OR10J1: variants seen among roughly 807,000 people sequenced by gnomAD.
OR10J1 encodes olfactory receptor 10J1.
For synonymous variants in OR10J1, 202 were observed against 143.8 expected, an observed-to-expected ratio of 1.40 and a Z score of -2.89; for missense variants, 474 against 376.6, an observed-to-expected ratio of 1.26 and a Z score of -2.14.
At chr1:159,429,982 T>C in the OR10J1 span, among the ~76,000 whole-genome samples, 1 of 152,144 alleles carries the variant, frequency 6.6e-6, no homozygotes, top group African/African-American at 2.4e-5. Flanking sequence ...GCCTCCATCC[T>C]GCCCAGTGAT....
rs1398140982 is a variant in OR10J1 at position 159,440,029 on chromosome 1, A to G, written c.238A>G (p.Arg80Gly). The change falls in exon 1 of 1, where the codon AGA becomes GGA. Residue 80 changes from arginine (R) to glycine (G), a missense_variant. Physicochemically the swap from Arg to Gly is moderately radical, Grantham distance 125. Transcript: ENST00000423932. Reference sequence around the variant, plus strand: ...TGTATATACATTGGTCATTCTCCCAAGAATGCTCTCCAGCCTCGTAGGTAT... The same window carrying G: ...TGTATATACATTGGTCATTCTCCCAGGAATGCTCTCCAGCCTCGTAGGTAT... ...ETVYTLVILP[R>G]MLSSLVGMSQ... The G allele has an allele frequency of 6.2e-6, 10 of 1,614,122 alleles. No individual in the cohort carries two copies. The highest frequency in any genetic ancestry group is 5.5e-5 in the South Asian group (5 of 91,078).
At chr1:159,402,684 C>A in the OR10J1 span, among the ~76,000 whole-genome samples, 1 of 151,914 alleles carries the variant, frequency 6.6e-6, no homozygotes, top group South Asian at 2.1e-4. Flanking sequence ...ATTTATAGTA[C>A]CCAAAGCTGT....
the OR10J1 span, among the ~76,000 whole-genome samples, chr1:159,411,247 T>G: frequency 9.5e-4 from 145 of 152,278 alleles, 2 homozygotes; most frequent in African/African-American, 2.2e-3. Flanking sequence ...AATTCCTGGG[T>G]ATCCTTGTTA....
the OR10J1 span, among the ~76,000 whole-genome samples, chr1:159,413,694 TAGGGGG>T: frequency 1.4e-5 from 1 of 72,214 alleles, no homozygotes; most frequent in Non-Finnish European, 2.6e-5. Context: ...TGTTGTGGGG[TAGGGGG>T]AGGGGGGAGG....
At chr1:159,430,677 G>GCACA in the OR10J1 span, among the ~76,000 whole-genome samples, 1 of 151,532 alleles carries the variant, frequency 6.6e-6, no homozygotes, top group Non-Finnish European at 1.5e-5. Context: ...GTGCGCGCGC[G>GCACA]CACATGTTTG....
At chr1:159,403,602 G>A in the OR10J1 span, among the ~76,000 whole-genome samples, 1 of 152,042 alleles carries the variant, frequency 6.6e-6, no homozygotes. Flanking sequence ...ATATCCAAAA[G>A]ACAAGACAAT....
the OR10J1 span, among the ~76,000 whole-genome samples, chr1:159,414,424 A>AAATGATGGGAT: frequency 6.6e-6 from 1 of 152,094 alleles, no homozygotes; most frequent in Non-Finnish European, 1.5e-5. Flanking sequence ...ATGGGATTTC[A>AAATGATGGGAT]TTCTTTTTAT....
At chr1:159,422,207 C>G in the OR10J1 span, among the ~76,000 whole-genome samples, 1 of 152,088 alleles carries the variant, frequency 6.6e-6, no homozygotes, top group African/African-American at 2.4e-5. Context: ...TGGATCTGGG[C>G]TGGGCAGTCT....
At chr1:159,411,357 A>G in the OR10J1 span, among the ~76,000 whole-genome samples, 1 of 152,130 alleles carries the variant, frequency 6.6e-6, no homozygotes, top group East Asian at 1.9e-4. Context: ...GTCTCCAAGG[A>G]CTTGCTTTAT....
At chr1:159,412,037 C>A in the OR10J1 span, among the ~76,000 whole-genome samples, 2 of 152,034 alleles carry the variant, frequency 1.3e-5, no homozygotes, top group Non-Finnish European at 2.9e-5. Context: ...TTCTTATACA[C>A]CAATAACAGA....
chr1:159,440,641 C>G lies in OR10J1; in HGVS notation c.850C>G (p.Leu284Val), dbSNP rs139080966. Residue 284 changes from leucine to valine, a missense_variant, in exon 1 of 1, where the codon CTG becomes GTG. Transcript: ENST00000423932. ...SVTYTVITPLLNPVVYTLRNK... is the reference protein window; with the variant it reads ...SVTYTVITPLVNPVVYTLRNK... ...GACCTACACTGTCATCACTCCCCTA[C>G]TGAACCCTGTGGTATACACCCTGAG... 2.5e-6 allele frequency: 4 copies of G among 1,613,988 alleles called. No individual in the cohort carries two copies. The highest frequency in any genetic ancestry group is 3.4e-6 in the Non-Finnish European group (4 of 1,179,986).
chr1:159,411,058 G>A, the OR10J1 span, among the ~76,000 whole-genome samples: 2 of 152,154 alleles, frequency 1.3e-5, no homozygotes, highest in Non-Finnish European at 2.9e-5. Flanking sequence ...ACTGTGGTCT[G>A]AGAGACAGTT....
the OR10J1 span, among the ~76,000 whole-genome samples, chr1:159,404,839 T>G: frequency 6.6e-6 from 1 of 152,184 alleles, no homozygotes; most frequent in Admixed American, 6.6e-5. Context: ...GATAACATAA[T>G]TGTTTCCCAG....
the OR10J1 span, among the ~76,000 whole-genome samples, chr1:159,422,790 G>C: frequency 6.6e-6 from 1 of 152,248 alleles, no homozygotes; most frequent in Admixed American, 6.5e-5. Flanking sequence ...CTTTCCTATG[G>C]CTAGAGTTGT....
At chr1:159,419,324 C>A in the OR10J1 span, among the ~76,000 whole-genome samples, 8 of 152,228 alleles carry the variant, frequency 5.3e-5, no homozygotes, top group Non-Finnish European at 1.2e-4. Context: ...GGGAGAAACC[C>A]AGTGGGAGGT....
chr1:159,434,921 A>G (rs1236352808), upstream of OR10J1, among the ~76,000 whole-genome samples: 1 of 152,194 alleles, frequency 6.6e-6, no homozygotes, highest in Non-Finnish European at 1.5e-5. Flanking sequence ...CTTTAACAAT[A>G]GGATTCTCAT....
the OR10J1 span, among the ~76,000 whole-genome samples, chr1:159,416,966 C>T: frequency 6.6e-6 from 1 of 151,866 alleles, no homozygotes; most frequent in Non-Finnish European, 1.5e-5. Context: ...TGGGTCTTCT[C>T]TCTTTTTCTC....
At chr1:159,423,299 T>A in the OR10J1 span, among the ~76,000 whole-genome samples, 2 of 152,330 alleles carry the variant, frequency 1.3e-5, no homozygotes, top group East Asian at 3.9e-4. Flanking sequence ...AGCTTTTGGT[T>A]TACATGCTTG....
the OR10J1 span, among the ~76,000 whole-genome samples, chr1:159,410,730 T>C: frequency 0.11 from 16,051 of 149,660 alleles, 1,081 homozygotes; most frequent in East Asian, 0.23. Context: ...TTATTTCTTG[T>C]CTTCTGCTAG....
Sources: gnomAD v4.1 joint callset for allele counts (sites outside exome capture counted in the v4.1 genomes callset) on GRCh38, gnomAD v4.1.1 for gene constraint, MANE v1.5 for transcripts, NCBI Gene and HGNC (gene_info 2026-07-23, HGNC 2026-07-21) for gene names.